Variants in CADM1 observed in about 807,000 individuals in gnomAD.
CADM1 encodes TSLC-1.
A neutral mutation model predicts 53.1 loss-of-function variants in CADM1; 15 were observed. The ratio of observed to expected loss-of-function variants is 0.28; its 90% CI spans 0.19 to 0.44. The LOEUF is 0.44. Among genes scored for constraint, CADM1 ranks in the 20% least tolerant of loss-of-function variants. The pLI, the probability that CADM1 is intolerant of heterozygous loss-of-function variation, is 1.00. For missense variants in CADM1, 434 were observed against 611.3 expected (o/e 0.71, Z 3.06); for synonymous variants, 281 against 243.0 (o/e 1.16, Z -1.45).
intron 1 of CADM1, among the ~76,000 whole-genome samples, chr11:115,278,233 C>T (rs549162400): frequency 6.6e-6 from 1 of 152,248 alleles, no homozygotes; most frequent in Non-Finnish European, 1.5e-5. Context: ...AATATGTAAA[C>T]ACTTCGAACA....
At chr11:115,494,901 T>C (rs1339037810) in intron 1 of CADM1, among the ~76,000 whole-genome samples, 3 of 152,182 alleles carry the variant, frequency 2.0e-5, no homozygotes, top group Non-Finnish European at 4.4e-5. Flanking sequence ...CTTAACTGGG[T>C]ATTCCACTTG....
chr11:115,408,790 G>T (rs371723554), intron 1 of CADM1, among the ~76,000 whole-genome samples: 3 of 152,172 alleles, frequency 2.0e-5, no homozygotes, highest in East Asian at 3.9e-4. Flanking sequence ...AGGGGCAGAG[G>T]GGGAGATGTT....
intron 1 of CADM1, among the ~76,000 whole-genome samples, chr11:115,404,532 C>A (rs1947263110): frequency 1.4e-5 from 2 of 147,014 alleles, no homozygotes; most frequent in Non-Finnish European, 1.5e-5. Context: ...AAGCAAAAAG[C>A]AAAACCATAA....
At chr11:115,478,362 G>C (rs1038399537) in intron 1 of CADM1, among the ~76,000 whole-genome samples, 4 of 151,724 alleles carry the variant, frequency 2.6e-5, no homozygotes, top group Admixed American at 1.3e-4. Context: ...CTGAAAATGT[G>C]AAGAAAAAAA....
At chr11:115,185,493 T>A (rs1158100833) in intron 10 of CADM1, among the ~76,000 whole-genome samples, 3 of 152,198 alleles carry the variant, frequency 2.0e-5, no homozygotes, top group Non-Finnish European at 4.4e-5. Flanking sequence ...ATCAGGATAT[T>A]AAATACTATT....
chr11:115,308,115 T>G (rs2135153270), intron 1 of CADM1, among the ~76,000 whole-genome samples: 2 of 150,450 alleles, frequency 1.3e-5, no homozygotes, highest in East Asian at 3.9e-4. Context: ...CTAAAATGAT[T>G]CCTGTAAAAG....
intron 3 of CADM1, among the ~76,000 whole-genome samples, chr11:115,234,761 C>T (rs1941950289): frequency 6.6e-6 from 1 of 151,850 alleles, no homozygotes; most frequent in African/African-American, 2.4e-5. Context: ...GGTGAGGTGG[C>T]GGGCACTTGT....
chr11:115,275,168 C>T (rs1943409566), intron 1 of CADM1, among the ~76,000 whole-genome samples: 2 of 152,220 alleles, frequency 1.3e-5, no homozygotes, highest in Admixed American at 1.3e-4. Context: ...TGGCCCCTCC[C>T]CGTGGGAGCC....
At chr11:115,454,200 A>G (rs1948638004) in intron 1 of CADM1, among the ~76,000 whole-genome samples, 1 of 152,224 alleles carries the variant, frequency 6.6e-6, no homozygotes, top group Non-Finnish European at 1.5e-5. Flanking sequence ...CTCTTGCAGC[A>G]TAAAAAAAAA....
chr11:115,502,894 G>T (rs1461569290), intron 1 of CADM1, among the ~76,000 whole-genome samples: 2 of 152,192 alleles, frequency 1.3e-5, no homozygotes, highest in African/African-American at 4.8e-5. Flanking sequence ...TGGCCCCAAC[G>T]CTGTGCCCGC....
chr11:115,404,344 AAAATATATATATATATATAT>A (rs1947249862), intron 1 of CADM1, among the ~76,000 whole-genome samples: 2 of 38,206 alleles, frequency 5.2e-5, no homozygotes, highest in African/African-American at 1.8e-4. Context: ...AAAAAAAAAA[AAAATATATATATATATATAT>A]ATATATATAT....
At chr11:115,236,514 C>A (rs2134888570) in intron 3 of CADM1, among the ~76,000 whole-genome samples, 1 of 152,184 alleles carries the variant, frequency 6.6e-6, no homozygotes, top group East Asian at 1.9e-4. Context: ...AAGTAGGAAC[C>A]TATTACTTCT....
chr11:115,401,792 G>A (rs1947163867), intron 1 of CADM1, among the ~76,000 whole-genome samples: 1 of 152,172 alleles, frequency 6.6e-6, no homozygotes, highest in Admixed American at 6.5e-5. Flanking sequence ...TGTAAACCAT[G>A]GACTTTGGGT....
At chr11:115,217,819 G>C in intron 6 of CADM1, 73 bp downstream of exon 6, 1 of 923,838 alleles carries the variant, frequency 1.1e-6, no homozygotes, top group Non-Finnish European at 1.8e-6. Flanking sequence ...GCCAAGGACT[G>C]GTGAATGCAC....
At chr11:115,251,799 G>A (rs755753912) in intron 1 of CADM1, among the ~76,000 whole-genome samples, 6 of 152,122 alleles carry the variant, frequency 3.9e-5, no homozygotes, top group African/African-American at 1.4e-4. Flanking sequence ...AGCTCAACCT[G>A]GGAAGACGTA....
chr11:115,178,898 A>C, intron 10 of CADM1, 123 bp from the exon 11 acceptor site: 2 of 1,009,554 alleles, frequency 2.0e-6, no homozygotes, highest in East Asian at 2.5e-5. Context: ...ACAGAGAACA[A>C]TCGAGATGGA....
chr11:115,452,564 C>T (rs1228431956), intron 1 of CADM1, among the ~76,000 whole-genome samples: 1 of 152,110 alleles, frequency 6.6e-6, no homozygotes, highest in Non-Finnish European at 1.5e-5. Flanking sequence ...TTGAGGTTTA[C>T]CACATTATAG....
chr11:115,484,538 T>C (rs1949327926), intron 1 of CADM1, among the ~76,000 whole-genome samples: 1 of 152,226 alleles, frequency 6.6e-6, no homozygotes, highest in Non-Finnish European at 1.5e-5. Flanking sequence ...TTCAAGTATC[T>C]TAATTAAACA....
chr11:115,235,331 C>T (rs1591631096), intron 3 of CADM1, among the ~76,000 whole-genome samples: 2 of 152,072 alleles, frequency 1.3e-5, no homozygotes, highest in Admixed American at 1.3e-4. Flanking sequence ...TACTCTAATA[C>T]AAAAGGTTAG....
Sources: gnomAD v4.1 joint callset for allele counts (sites outside exome capture counted in the v4.1 genomes callset) on GRCh38, gnomAD v4.1.1 for gene constraint, MANE v1.5 for transcripts, NCBI Gene and HGNC (gene_info 2026-07-23, HGNC 2026-07-21) for gene names.